Variants in C14orf39 observed in about 807,000 individuals in gnomAD.
The protein encoded by C14orf39 is chromosome 14 open reading frame 39, also known as protein SIX6OS1.
C14orf39 carries 66 observed loss-of-function variants against 85.6 expected under a neutral mutation model. That is an observed-to-expected ratio of 0.77 (90% CI 0.63 to 0.95). C14orf39 has a LOEUF of 0.95. C14orf39 is among the 40% of genes least tolerant of loss of function. The pLI, the probability that C14orf39 is intolerant of heterozygous loss-of-function variation, is 0.00. For missense variants in C14orf39, 735 were observed against 663.9 expected (o/e 1.11, Z -1.18); for synonymous variants, 242 against 214.0 (o/e 1.13, Z -1.14).
chr14:60,500,377 C>G (rs928360869), intron 1 of C14orf39, among the ~76,000 whole-genome samples: 16 of 152,118 alleles, frequency 1.1e-4, no homozygotes, highest in African/African-American at 3.9e-4. Flanking sequence ...TGGTAAAAGT[C>G]TTTTTGGATG....
chr14:60,471,817 C>T (rs1892100441), intron 5 of C14orf39, 78 bp from the exon 6 acceptor site: 1 of 812,236 alleles, frequency 1.2e-6, no homozygotes. Context: ...TTAAAGTCTA[C>T]TAAACATAAA....
At chr14:60,498,758 T>C (rs1042133688) in intron 2 of C14orf39, among the ~76,000 whole-genome samples, 1 of 152,218 alleles carries the variant, frequency 6.6e-6, no homozygotes, top group African/African-American at 2.4e-5. Flanking sequence ...TAAAAAACAT[T>C]AGAATAAATG....
intron 1 of C14orf39, among the ~76,000 whole-genome samples, chr14:60,502,793 C>T (rs1291198017): frequency 6.6e-6 from 1 of 152,172 alleles, no homozygotes. Flanking sequence ...ATTTAAAAAT[C>T]TTTATTTCAA....
At chr14:60,459,514 ATCAT>A (rs1891425215) in intron 13 of C14orf39, among the ~76,000 whole-genome samples, 2 of 151,710 alleles carry the variant, frequency 1.3e-5, no homozygotes, top group South Asian at 2.1e-4. Flanking sequence ...ACTCCAGGAA[ATCAT>A]TCATTATCAC....
At chr14:60,439,789 G>T (rs951475065) in intron 17 of C14orf39, among the ~76,000 whole-genome samples, 9 of 152,184 alleles carry the variant, frequency 5.9e-5, no homozygotes, top group African/African-American at 2.2e-4. Flanking sequence ...AAAAGAGGAT[G>T]TGGGCTGGGT....
rs1890951695 is a variant in C14orf39 at position 60,449,806 on chromosome 14, T to C, written c.1503+5195A>G. Among the ~76,000 whole-genome samples, 7 of 152,362 alleles carry C rather than the reference T, an allele frequency of 4.6e-5. No homozygotes were observed. The South Asian group carries it at 1.4e-3, about 32-fold the overall frequency. On this transcript the variant is annotated intron_variant, in intron 16 of 17. Coordinates refer to ENST00000321731, the MANE Select transcript of C14orf39 (RefSeq NM_174978.3). The stretch of plus-strand genomic sequence containing the variant: ...AATCTTAGGTCACTGATTTTAGGCC[T>C]TTCTTCTTTTTATTATGTAATTATT...
At chr14:60,511,437 T>C in intron 1 of C14orf39, 1 of 692,348 alleles carries the variant, frequency 1.4e-6, no homozygotes, top group Middle Eastern at 3.8e-4. Flanking sequence ...ACTGGCGCCC[T>C]TTGGCCGCGA....
intron 9 of C14orf39, among the ~76,000 whole-genome samples, chr14:60,468,081 G>A (rs949128362): frequency 2.6e-5 from 4 of 151,588 alleles, no homozygotes; most frequent in African/African-American, 4.8e-5. Context: ...AAGGTGGACA[G>A]GGTGATAAAA....
intron 16 of C14orf39, among the ~76,000 whole-genome samples, chr14:60,451,297 T>C (rs1329749314): frequency 1.3e-5 from 2 of 152,140 alleles, no homozygotes; most frequent in African/African-American, 2.4e-5. Context: ...CTCAAGGATC[T>C]AGAACTAGAA....
At chr14:60,474,189 G>T (rs1446458275) in intron 5 of C14orf39, among the ~76,000 whole-genome samples, 1 of 152,032 alleles carries the variant, frequency 6.6e-6, no homozygotes, top group Admixed American at 6.6e-5. Flanking sequence ...GTTCACTCGT[G>T]ATTTGGCTGT....
chr14:60,503,557 TG>T (rs1258745660), intron 1 of C14orf39, among the ~76,000 whole-genome samples: 1 of 152,202 alleles, frequency 6.6e-6, no homozygotes, highest in Non-Finnish European at 1.5e-5. Context: ...CTGTGCAATA[TG>T]GGTAATCATT....
intron 16 of C14orf39, among the ~76,000 whole-genome samples, chr14:60,448,823 G>T (rs1359752364): frequency 1.8e-4 from 27 of 152,162 alleles, no homozygotes; most frequent in Non-Finnish European, 7.3e-5. Context: ...TTAAGAAAAT[G>T]TGGCACATAT....
chr14:60,489,074 T>TG (rs1892946451), upstream of C14orf39, among the ~76,000 whole-genome samples: 1 of 152,206 alleles, frequency 6.6e-6, no homozygotes, highest in Non-Finnish European at 1.5e-5. Context: ...ACACCTGTGC[T>TG]TATGAGTCCC....
intron 16 of C14orf39, among the ~76,000 whole-genome samples, chr14:60,451,969 T>C (rs1192886902): frequency 6.7e-6 from 1 of 148,966 alleles, no homozygotes; most frequent in East Asian, 2.0e-4. Context: ...GATAACGAGG[T>C]CAGGAGATCG....
intron 14 of C14orf39, among the ~76,000 whole-genome samples, chr14:60,457,435 T>A (rs1002961527): frequency 1.1e-4 from 16 of 151,968 alleles, no homozygotes; most frequent in African/African-American, 3.4e-4. Context: ...GGGTGAACAA[T>A]TACATAGGCT....
rs1892810826 is a variant in C14orf39 at position 60,484,907 on chromosome 14, T to C, written c.80A>G (p.Lys27Arg). Residue 27 changes from lysine (K) to arginine (R), a missense_variant, in exon 3 of 18, where the codon AAA becomes AGA. Coordinates refer to ENST00000321731, the MANE Select transcript of C14orf39 (RefSeq NM_174978.3). This position sits in a 1 kb window ranked among gnomAD's most constrained non-coding sequence, Gnocchi z 4.2. The stretch of plus-strand genomic sequence containing the variant: ...ATTAATTCTTTGAATCATCTCTTCT[T>C]TAGTACTTATGTCTTGCTCATACTG... ...VFQYEQDISTKEEMIQRINKC... is the reference protein window; with the variant it reads ...VFQYEQDISTREEMIQRINKC... The C allele has an allele frequency of 1.9e-6, 3 of 1,568,780 alleles. No homozygotes were observed. Among genetic ancestry groups the C allele is most frequent in the Admixed American group, 1.9e-5 (1 of 52,046 alleles).
intron 4 of C14orf39, among the ~76,000 whole-genome samples, chr14:60,482,316 G>T (rs1892678474): frequency 6.6e-6 from 1 of 152,016 alleles, no homozygotes; most frequent in Non-Finnish European, 1.5e-5. Flanking sequence ...AAAAGAAAAT[G>T]GTCAACAACA....
chr14:60,469,440 C>G (rs1297593338), intron 8 of C14orf39, 93 bp downstream of exon 8: 2 of 443,168 alleles, frequency 4.5e-6, no homozygotes, highest in African/African-American at 4.1e-5. Flanking sequence ...ACATTAGGCT[C>G]TCTTAAAAAT....
upstream of C14orf39, among the ~76,000 whole-genome samples, chr14:60,489,789 C>T (rs1004218109): frequency 2.6e-5 from 4 of 152,192 alleles, no homozygotes; most frequent in Non-Finnish European, 5.9e-5. Context: ...AGAGAATCTT[C>T]CCTAGACATT....
Sources: allele counts gnomAD v4.1 joint callset (sites outside exome capture counted in the v4.1 genomes callset), GRCh38; gene constraint gnomAD v4.1.1; non-coding constraint Gnocchi (gnomAD v3.1); transcripts MANE v1.5; gene names NCBI Gene and HGNC (gene_info 2026-07-23, HGNC 2026-07-21).